PRKDC: variants seen among roughly 807,000 people sequenced by gnomAD.
The protein encoded by PRKDC is protein kinase, DNA-activated, catalytic subunit, also known as DNA-dependent protein kinase catalytic subunit.
PRKDC carries 82 observed loss-of-function variants against 486.9 expected under a neutral mutation model. The ratio of observed to expected loss-of-function variants is 0.17; its 90% confidence interval spans 0.14 to 0.20. The LOEUF is 0.20. PRKDC is among the 10% of genes least tolerant of loss of function. The pLI is 1.00. For missense variants in PRKDC, 4,504 were observed against 5,038.2 expected (o/e 0.89, Z 3.21); for synonymous variants, 1,895 against 1,837.0 (o/e 1.03, Z -0.81).
intron 26 of PRKDC, among the ~76,000 whole-genome samples, chr8:47,903,745 A>C: frequency 6.6e-6 from 1 of 152,194 alleles, no homozygotes; most frequent in East Asian, 1.9e-4. Flanking sequence ...ACCTTCAAGG[A>C]TCAAAAGGGA....
chr8:47,911,121 G>C (rs1452507057), intron 25 of PRKDC, among the ~76,000 whole-genome samples: 2 of 152,130 alleles, frequency 1.3e-5, no homozygotes, highest in Admixed American at 6.5e-5. Flanking sequence ...CTCCCAAATA[G>C]TTAGTGGGGC....
chr8:47,836,897 A>T (rs2154499745), intron 57 of PRKDC, among the ~76,000 whole-genome samples: 1 of 152,328 alleles, frequency 6.6e-6, no homozygotes. Flanking sequence ...CTACCCCAGG[A>T]GCTCCCTGCA....
In PRKDC at chr8:47,889,868, T is replaced by C. The variant is rs8178094; in HGVS notation, c.4071+389A>G. Among the ~76,000 whole-genome samples, 441 of 152,292 alleles carry C rather than the reference T, an allele frequency of 2.9e-3. 3 individuals carry two copies. Among genetic ancestry groups the C allele is most frequent in the African/African-American group, 0.01 (432 of 41,562 alleles). ...TTTGCAAATTGCTAAGAAAATAGAT[T>C]GAAAAGTTCCCATCAGAAAAAATGT... On this transcript the variant is annotated intron_variant, in intron 32 of 85. Coordinates refer to ENST00000314191, the MANE Select transcript of PRKDC (RefSeq NM_006904.7).
At chr8:47,853,698 TAAG>T (rs1477318474) in intron 51 of PRKDC, among the ~76,000 whole-genome samples, 2 of 152,084 alleles carry the variant, frequency 1.3e-5, no homozygotes, top group Non-Finnish European at 2.9e-5. Flanking sequence ...GTTTAGAAAA[TAAG>T]AAATACTTAA....
intron 27 of PRKDC, among the ~76,000 whole-genome samples, chr8:47,901,613 T>C (rs186197324): frequency 7.9e-5 from 12 of 152,346 alleles, no homozygotes; most frequent in Middle Eastern, 6.8e-3. Flanking sequence ...TCCACACAAG[T>C]GCCTCTGTCC....
In PRKDC at chr8:47,776,864, G is replaced by A. The variant is rs1563728267; in HGVS notation, c.12162C>T (p.Ala4054=). The A allele has an allele frequency of 1.2e-6, 2 of 1,613,752 alleles. No homozygotes were observed. Among genetic ancestry groups the A allele is most frequent in the East Asian group, 2.2e-5 (1 of 44,876 alleles). The part of the protein sequence containing the change: ...ICYAKRKLAG[A]NPAVITCDEL... ...CTTACCAAGTAATGACTGCTGGATT[G>A]GCACCTGCTAACTTTCTCTTAGCGT... Residue 4054 remains alanine (A), a synonymous_variant, in exon 85 of 86, where the codon GCC becomes GCT. Transcript: ENST00000314191.
chr8:47,847,871 ACAAAT>A (rs948635073), intron 54 of PRKDC, among the ~76,000 whole-genome samples: 19 of 136,638 alleles, frequency 1.4e-4, no homozygotes, highest in African/African-American at 5.2e-4. Flanking sequence ...AAAGCGGCCA[ACAAAT>A]ATATATATAT....
At chr8:47,923,927 T>C (rs2090115116) in intron 21 of PRKDC, among the ~76,000 whole-genome samples, 1 of 152,150 alleles carries the variant, frequency 6.6e-6, no homozygotes, top group Non-Finnish European at 1.5e-5. Context: ...ATCTACGAAA[T>C]AATCAATGGG....
At chr8:47,900,984 C>T (rs2154502278) in intron 27 of PRKDC, among the ~76,000 whole-genome samples, 1 of 150,602 alleles carries the variant, frequency 6.6e-6, no homozygotes. Context: ...CCTGTCTCTA[C>T]AAAAAATTAA....
At chr8:47,906,873 C>T (rs965337935) in intron 25 of PRKDC, among the ~76,000 whole-genome samples, 2 of 151,478 alleles carry the variant, frequency 1.3e-5, no homozygotes, top group Non-Finnish European at 2.9e-5. Flanking sequence ...CACAGAGACT[C>T]TTCCAAACAG....
chr8:47,837,628 A>G (rs765811519), intron 56 of PRKDC, among the ~76,000 whole-genome samples: 5 of 151,934 alleles, frequency 3.3e-5, no homozygotes, highest in Non-Finnish European at 5.9e-5. Context: ...AATGTAGCAT[A>G]TTTTTTATGC....
At position 47,898,362 on chromosome 8, in the gene PRKDC, G is replaced by C. The variant is rs917138025; in HGVS notation, c.3464+108C>G. The C allele has an allele frequency of 6.0e-4, 518 of 867,494 alleles. 1 individual carries two copies. The highest frequency in any genetic ancestry group is 4.4e-5 in the Non-Finnish European group (25 of 563,666). The allele number at this position is 867,494 out of a possible 1,614,324, so 53.7% of individuals were successfully genotyped here. A position where few individuals can be genotyped will look rare whatever the true frequency, so the allele number is the denominator to read the frequency against. ...CAGACTTCCACACATTCCTTGTTTA[G>C]GAAGTAATTCCTTATACTTCCACAG... On this transcript the variant is annotated intron_variant, in intron 29 of 85. Coordinates refer to ENST00000314191, the MANE Select transcript of PRKDC (RefSeq NM_006904.7).
At chr8:47,879,772 T>C (rs962972372) in intron 38 of PRKDC, 114 bp from the exon 39 acceptor site, 3 of 808,314 alleles carry the variant, frequency 3.7e-6, no homozygotes, top group Admixed American at 8.5e-5. Flanking sequence ...AATCAATGAA[T>C]GGCTTCACCA....
intron 27 of PRKDC, 35 bp downstream of exon 27, chr8:47,902,534 A>G: frequency 7.1e-7 from 1 of 1,414,074 alleles, no homozygotes; most frequent in Non-Finnish European, 9.3e-7. Context: ...TTTCAAAACC[A>G]CAAGTTTCTC....
In PRKDC at chr8:47,889,129, C is replaced by A. The variant is rs1445022618; in HGVS notation, c.4165G>T (p.Val1389Phe). ...TCAGGAAGATGAGCCATAACCTGGA[C>A]GTCTCCGATGTTGAAACCTATGCTT... ...PASIGFNIGD[V>F]QVMAHLPDVC... The change falls in exon 33 of 86, where the codon GTC becomes TTC. Residue 1389 changes from valine to phenylalanine, a missense_variant. Transcript: ENST00000314191. 6.2e-7 allele frequency: 1 copy of A among 1,613,890 alleles called. No homozygotes were observed. The highest frequency in any genetic ancestry group is 1.6e-4 in the Middle Eastern group (1 of 6,078).
chr8:47,930,805 G>C lies in PRKDC; in HGVS notation c.1777-18C>G. Reference sequence around the variant, plus strand: ...TCTCCATTCTTAAAGAGTAATTGTAGCAAAGAAACATTGTACCATTCAATC... The same window carrying C: ...TCTCCATTCTTAAAGAGTAATTGTACCAAAGAAACATTGTACCATTCAATC... On this transcript the variant is annotated intron_variant, in intron 16 of 85. Coordinates refer to ENST00000314191, the MANE Select transcript of PRKDC (RefSeq NM_006904.7). 1 of 1,543,126 alleles carries C rather than the reference G, an allele frequency of 6.5e-7. No homozygotes were observed. Among genetic ancestry groups the C allele is most frequent in the Non-Finnish European group, 8.7e-7 (1 of 1,145,194 alleles).
In PRKDC at chr8:47,839,255, GAA is replaced by G. The variant is rs547740174; in HGVS notation, c.7455-11_7455-10del. On this transcript the variant is annotated splice_polypyrimidine_tract_variant and intron_variant, in intron 55 of 85. Coordinates refer to ENST00000314191, the MANE Select transcript of PRKDC (RefSeq NM_006904.7). ...TCTCACTTTCTGGATCTCTGCTTGA[GAA>G]AACAGCAAAATGTCACAACATTAAT... 1.3e-4 allele frequency: 202 copies of G among 1,590,354 alleles called. No individual in the cohort carries two copies. Among genetic ancestry groups the G allele is most frequent in the Non-Finnish European group, 1.7e-4 (193 of 1,159,336 alleles).
intron 13 of PRKDC, among the ~76,000 whole-genome samples, chr8:47,935,264 G>T (rs1249817918): frequency 6.6e-6 from 1 of 152,148 alleles, no homozygotes; most frequent in Non-Finnish European, 1.5e-5. Flanking sequence ...CACTTTGGGA[G>T]GCTGAGGCAG....
intron 1 of PRKDC, 29 bp downstream of exon 1, chr8:47,959,944 C>A: frequency 6.5e-7 from 1 of 1,530,628 alleles, no homozygotes; most frequent in Non-Finnish European, 8.7e-7. Context: ...CCAGGACCCA[C>A]CCGCGGCCCA....
Sources: gnomAD v4.1 joint callset for allele counts (sites outside exome capture counted in the v4.1 genomes callset) on GRCh38, gnomAD v4.1.1 for gene constraint, MANE v1.5 for transcripts, NCBI Gene and HGNC (gene_info 2026-07-23, HGNC 2026-07-21) for gene names.